The following RORA variants were observed in gnomAD, a reference collection of about 807,000 sequenced individuals.
RORA encodes RAR related orphan receptor A, also known as nuclear receptor ROR-alpha.
A neutral mutation model predicts 69.5 loss-of-function variants in RORA; 7 were observed. The ratio of observed to expected loss-of-function variants is 0.10; its 90% confidence interval spans 0.06 to 0.19. The LOEUF (loss-of-function observed/expected upper bound fraction) is 0.19. Ranked by LOEUF, RORA falls within the 10% of genes least tolerant of loss-of-function variation. The probability of loss-of-function intolerance (pLI) is 1.00; values close to 1 mark genes in which losing one functional copy is unlikely to be tolerated. For missense variants in RORA, 457 were observed against 663.0 expected, an observed-to-expected ratio of 0.69 and a Z score of 3.41; for synonymous variants, 261 against 240.8, an observed-to-expected ratio of 1.08 and a Z score of -0.78.
intron 1 of RORA, among the ~76,000 whole-genome samples, chr15:60,874,067 C>G (rs762197981): frequency 1.3e-5 from 2 of 152,152 alleles, no homozygotes; most frequent in Admixed American, 6.5e-5. Context: ...AAACCTACAA[C>G]AGCTGTTTAT....
chr15:60,999,953 T>A (rs68016289), intron 1 of RORA, among the ~76,000 whole-genome samples: 1 of 151,688 alleles, frequency 6.6e-6, no homozygotes, highest in East Asian at 1.9e-4. Context: ...TCTGCCCCTT[T>A]CCCCCTCAAA....
intron 1 of RORA, among the ~76,000 whole-genome samples, chr15:60,892,765 T>A (rs1173869010): frequency 6.6e-6 from 1 of 152,248 alleles, no homozygotes; most frequent in Admixed American, 6.5e-5. Context: ...TTCCCTATCT[T>A]ACTGTGAAAG....
chr15:60,641,966 C>T (rs577110274), intron 2 of RORA, among the ~76,000 whole-genome samples: 1 of 152,274 alleles, frequency 6.6e-6, no homozygotes, highest in African/African-American at 2.4e-5. Context: ...AGTAGCATTG[C>T]GATTCTCTGA....
chr15:61,100,737 C>T (rs993558266), intron 1 of RORA, among the ~76,000 whole-genome samples: 7 of 152,214 alleles, frequency 4.6e-5, no homozygotes, highest in Admixed American at 1.3e-4. Flanking sequence ...TATCTATCAC[C>T]AGCACATGCC....
At chr15:60,864,291 A>G (rs961457446) in intron 1 of RORA, among the ~76,000 whole-genome samples, 4 of 152,224 alleles carry the variant, frequency 2.6e-5, no homozygotes, top group African/African-American at 2.4e-5. Context: ...TTAACTTATG[A>G]TATGTTATTG....
At chr15:61,018,109 G>A (rs1895367978) in intron 1 of RORA, among the ~76,000 whole-genome samples, 1 of 152,156 alleles carries the variant, frequency 6.6e-6, no homozygotes, top group African/African-American at 2.4e-5. Context: ...GCTCCTATGT[G>A]ATACTTTGTT....
intron 1 of RORA, among the ~76,000 whole-genome samples, chr15:61,010,446 G>T (rs1895049877): frequency 6.6e-6 from 1 of 152,152 alleles, no homozygotes; most frequent in Non-Finnish European, 1.5e-5. Flanking sequence ...AGTGACCTTG[G>T]TCATATTAGG....
chr15:61,076,194 G>A (rs1175864215), intron 1 of RORA, among the ~76,000 whole-genome samples: 1 of 152,076 alleles, frequency 6.6e-6, no homozygotes, highest in African/African-American at 2.4e-5. Context: ...GAGGTCGCAG[G>A]GCCTGACCCC....
intron 1 of RORA, among the ~76,000 whole-genome samples, chr15:61,002,975 C>CAAA (rs59966691): frequency 0.012 from 1,415 of 116,938 alleles, 24 homozygotes; most frequent in African/African-American, 0.035. Flanking sequence ...ACTAAAAATA[C>CAAA]AAAAAAAAAA....
chr15:61,120,678 G>A (rs2079094422), intron 1 of RORA, among the ~76,000 whole-genome samples: 2 of 136,764 alleles, frequency 1.5e-5, no homozygotes, highest in Non-Finnish European at 3.1e-5. Flanking sequence ...TCCAACCTGA[G>A]TGATAGAGCA....
intron 1 of RORA, among the ~76,000 whole-genome samples, chr15:60,686,524 T>C (rs1479081218): frequency 6.6e-6 from 1 of 152,224 alleles, no homozygotes; most frequent in Non-Finnish European, 1.5e-5. Context: ...TTAAATTTGA[T>C]CTTGGAGCTC....
At chr15:60,599,977 T>G (rs552553690) in intron 2 of RORA, among the ~76,000 whole-genome samples, 1 of 152,338 alleles carries the variant, frequency 6.6e-6, no homozygotes, top group South Asian at 2.1e-4. Context: ...GGATGTTATT[T>G]CATCAGAGTG....
intron 1 of RORA, among the ~76,000 whole-genome samples, chr15:60,753,827 G>T (rs184084695): frequency 1.5e-4 from 23 of 152,286 alleles, no homozygotes; most frequent in East Asian, 7.7e-4. Flanking sequence ...TATTGCTTTA[G>T]TCCAGTGATT....
intron 2 of RORA, among the ~76,000 whole-genome samples, chr15:60,614,414 A>C (rs372781140): frequency 1.3e-5 from 2 of 152,174 alleles, no homozygotes; most frequent in African/African-American, 2.4e-5. Flanking sequence ...AATCAGTACA[A>C]ATGCAACCTC....
At chr15:60,938,071 G>T (rs1485316780) in intron 1 of RORA, among the ~76,000 whole-genome samples, 1 of 152,156 alleles carries the variant, frequency 6.6e-6, no homozygotes, top group Non-Finnish European at 1.5e-5. Context: ...TTAGGTTCAA[G>T]ATAGGTTTTT....
chr15:60,858,112 G>C lies in RORA; in HGVS notation c.167-179426C>G, dbSNP rs76446996. On this transcript the variant is annotated intron_variant, in intron 1 of 10. Transcript: ENST00000335670. ...TTAATTGAAGGTTATTGCAGGGCCT[G>C]TTGCCCATGGCCAGTATATAACGTT... is the stretch of plus-strand genomic sequence containing the variant. 2.2e-4 allele frequency among the ~76,000 whole-genome samples: 34 copies of C among 152,346 alleles called. No individual in the cohort carries two copies. In the East Asian group the frequency reaches 5.6e-3, roughly 25 times the overall value.
intron 2 of RORA, among the ~76,000 whole-genome samples, chr15:60,565,590 T>A (rs1461262857): frequency 6.6e-6 from 1 of 152,212 alleles, no homozygotes; most frequent in Non-Finnish European, 1.5e-5. Flanking sequence ...AAATTAGTGA[T>A]AAAGTTAGTT....
chr15:60,680,358 C>A (rs2070624979), intron 1 of RORA, among the ~76,000 whole-genome samples: 3 of 152,208 alleles, frequency 2.0e-5, no homozygotes. Flanking sequence ...ACTATTTTCT[C>A]TTGACATCCA....
intron 2 of RORA, among the ~76,000 whole-genome samples, chr15:60,565,699 A>G (rs2067694533): frequency 6.6e-6 from 1 of 152,238 alleles, no homozygotes; most frequent in South Asian, 2.1e-4. Flanking sequence ...AACCAGGATT[A>G]TATTAAAACT....
Sources: allele counts gnomAD v4.1 joint callset (sites outside exome capture counted in the v4.1 genomes callset), GRCh38; gene constraint gnomAD v4.1.1; transcripts MANE v1.5; gene names NCBI Gene and HGNC (gene_info 2026-07-23, HGNC 2026-07-21).